The following PPA2 variants were observed in gnomAD, a reference collection of about 807,000 sequenced individuals.
The protein encoded by PPA2 is inorganic pyrophosphatase 2.
Under a neutral mutation model 49.5 loss-of-function variants are expected in PPA2, and 48 were observed. The ratio of observed to expected loss-of-function variants is 0.97; its 90% CI spans 0.77 to 1.23. PPA2 has a LOEUF of 1.23. PPA2 is among the 50% of genes most tolerant of loss of function. The pLI is 0.00. For synonymous variants in PPA2, 131 were observed against 139.9 expected (o/e 0.94, Z 0.45); for missense variants, 429 against 410.1 (o/e 1.05, Z -0.40).
rs1412377615 is a variant in PPA2 at position 105,457,558 on chromosome 4, T to A, written c.158-813A>T. 3.3e-5 allele frequency among the ~76,000 whole-genome samples: 5 copies of A among 152,266 alleles called. No homozygotes were observed. The East Asian group carries it at 5.8e-4, about 18-fold the overall frequency. ...AAAACAAAGACTGGCTAAATCCCAA[T>A]AGCAATGAGCACACCAGCAACCACA... On this transcript the variant is annotated intron_variant, in intron 1 of 11. Transcript: ENST00000341695.
chr4:105,472,552 A>G (rs1269149481), intron 1 of PPA2, among the ~76,000 whole-genome samples: 1 of 152,200 alleles, frequency 6.6e-6, no homozygotes, highest in Non-Finnish European at 1.5e-5. Context: ...GACTATTCCC[A>G]TTAATCATCA....
At chr4:105,454,293 TTGC>T (rs138806869) in intron 2 of PPA2, among the ~76,000 whole-genome samples, 1 of 119,334 alleles carries the variant, frequency 8.4e-6, no homozygotes, top group Admixed American at 8.0e-5. Flanking sequence ...ATTTTTGTTT[TTGC>T]TGCTGCTGTT....
intron 7 of PPA2, among the ~76,000 whole-genome samples, chr4:105,417,017 A>G (rs1481515870): frequency 6.6e-6 from 1 of 152,260 alleles, no homozygotes; most frequent in Non-Finnish European, 1.5e-5. Context: ...ATAGACATTC[A>G]TTACCAGTTT....
chr4:105,398,527 T>C (rs2713869), intron 8 of PPA2: 56,891 of 152,204 alleles, frequency 0.37, 12,593 homozygotes, highest in East Asian at 0.68. Context: ...CTCTTTGGTC[T>C]ATTCTCTCCA....
intron 3 of PPA2, among the ~76,000 whole-genome samples, chr4:105,450,548 G>A (rs1439012309): frequency 1.5e-5 from 2 of 133,338 alleles, no homozygotes; most frequent in Non-Finnish European, 3.2e-5. Context: ...GCTAATTTTT[G>A]TATTCTTAGT....
chr4:105,385,693 T>A (rs1477052027), intron 10 of PPA2, among the ~76,000 whole-genome samples: 1 of 152,106 alleles, frequency 6.6e-6, no homozygotes, highest in Non-Finnish European at 1.5e-5. Flanking sequence ...CAGTCATTAA[T>A]TTACTAATAA....
At chr4:105,394,385 AAAAAAGAAAG>A (rs1230668092) in intron 9 of PPA2, among the ~76,000 whole-genome samples, 1 of 124,428 alleles carries the variant, frequency 8.0e-6, no homozygotes, top group Non-Finnish European at 1.9e-5. Context: ...AAAAAAAAAA[AAAAAAGAAAG>A]AAAAAAAAAG....
chr4:105,447,736 CTTTT>C (rs5860798), intron 4 of PPA2, among the ~76,000 whole-genome samples: 3 of 137,204 alleles, frequency 2.2e-5, no homozygotes, highest in Non-Finnish European at 3.2e-5. Flanking sequence ...TTTCTTTTTT[CTTTT>C]TTTTTTTTTT....
intron 1 of PPA2, among the ~76,000 whole-genome samples, chr4:105,468,428 A>G (rs148884839): frequency 3.9e-5 from 6 of 152,304 alleles, no homozygotes; most frequent in African/African-American, 1.4e-4. Context: ...AGACAAAAAA[A>G]GTGTTTCAAA....
In PPA2 at chr4:105,449,335, A is replaced by G. The variant is rs1445578518; in HGVS notation, c.321+15T>C. 1 of 1,500,984 alleles carries G rather than the reference A, an allele frequency of 6.7e-7. No individual in the cohort carries two copies. Among genetic ancestry groups the G allele is most frequent in the Non-Finnish European group, 9.1e-7 (1 of 1,093,354 alleles). 93.0% of individuals were successfully genotyped at this position (1,500,984 alleles called of 1,614,324 possible). The stretch of plus-strand genomic sequence containing the variant: ...ATAATCATTTCGGTTTCATATTAAT[A>G]AAGTATATCGGTACCTCCATTTTAG... On this transcript the variant is annotated intron_variant, in intron 4 of 11. Transcript: ENST00000341695.
At chr4:105,370,980 T>G in intron 10 of PPA2, 107 bp from the exon 11 acceptor site, 1 of 1,067,876 alleles carries the variant, frequency 9.4e-7, no homozygotes, top group African/African-American at 1.7e-5. Context: ...TTACACACAA[T>G]GGATCTCTAA....
At chr4:105,397,689 A>G (rs1245282223) in intron 8 of PPA2, among the ~76,000 whole-genome samples, 1 of 152,068 alleles carries the variant, frequency 6.6e-6, no homozygotes, top group African/African-American at 2.4e-5. Flanking sequence ...TCCTCAGAGT[A>G]ATGAGTGAGT....
chr4:105,394,606 C>T (rs1734060648), intron 9 of PPA2, among the ~76,000 whole-genome samples: 1 of 152,102 alleles, frequency 6.6e-6, no homozygotes, highest in African/African-American at 2.4e-5. Flanking sequence ...AATGTTAACT[C>T]TTACTGTTAA....
intron 1 of PPA2, among the ~76,000 whole-genome samples, chr4:105,461,551 T>C (rs1723092914): frequency 6.6e-6 from 1 of 152,170 alleles, no homozygotes; most frequent in Admixed American, 6.5e-5. Flanking sequence ...TGGCAGTTAG[T>C]GAGGGAAAGG....
Position 105,474,034 on chromosome 4 carries a change from C to T in PPA2, c.17G>A (p.Arg6Gln). 2 of 1,591,304 alleles carry T rather than the reference C, an allele frequency of 1.3e-6. No individual in the cohort carries two copies. The highest frequency in any genetic ancestry group is 1.7e-6 in the Non-Finnish European group (2 of 1,168,610). The stretch of plus-strand genomic sequence containing the variant: ...GGCTGGGGCACCCGTGCGCAGCAGC[C>T]GCAGCAGCGCGCTCATGGCGTCAAT... MSALL[R>Q]LLRTGAPAAA... The change falls in exon 1 of 12, where the codon CGG becomes CAG. Residue 6 changes from arginine (R) to glutamine (Q), a missense_variant. Arg to Gln is a conservative substitution (Grantham distance 43, BLOSUM62 1). Transcript: ENST00000341695.
At chr4:105,443,050 T>C (rs1724438879) in intron 5 of PPA2, among the ~76,000 whole-genome samples, 1 of 152,188 alleles carries the variant, frequency 6.6e-6, no homozygotes, top group Non-Finnish European at 1.5e-5. Flanking sequence ...GAAGTCTGCA[T>C]TCTAGCTGGG....
At chr4:105,429,290 A>C (rs1723684942) in intron 6 of PPA2, among the ~76,000 whole-genome samples, 1 of 152,222 alleles carries the variant, frequency 6.6e-6, no homozygotes, top group Non-Finnish European at 1.5e-5. Flanking sequence ...GGCAGAATAC[A>C]AGAAACGAGT....
At chr4:105,384,542 C>T (rs745992078) in intron 10 of PPA2, among the ~76,000 whole-genome samples, 11 of 152,128 alleles carry the variant, frequency 7.2e-5, no homozygotes, top group Non-Finnish European at 1.5e-4. Flanking sequence ...AACTGAAATA[C>T]ATGGAATAGA....
chr4:105,371,140 A>G (rs1175499702), intron 10 of PPA2, among the ~76,000 whole-genome samples: 1 of 152,192 alleles, frequency 6.6e-6, no homozygotes, highest in Non-Finnish European at 1.5e-5. Context: ...GCAGCTAGGA[A>G]TGAGAAGAGA....
Sources: gnomAD v4.1 joint callset for allele counts (sites outside exome capture counted in the v4.1 genomes callset) on GRCh38, gnomAD v4.1.1 for gene constraint, MANE v1.5 for transcripts, NCBI Gene and HGNC (gene_info 2026-07-23, HGNC 2026-07-21) for gene names.